ATXN2: variants seen among roughly 807,000 people sequenced by gnomAD.
The protein encoded by ATXN2 is ataxin 2.
ATXN2 carries 37 observed loss-of-function variants against 138.6 expected under a neutral mutation model. The ratio of observed to expected loss-of-function variants is 0.27; its 90% CI spans 0.21 to 0.35. The LOEUF is 0.35. Among genes scored for constraint, ATXN2 ranks in the 10% least tolerant of loss-of-function variants. ATXN2 has a pLI of 1.00. For missense variants in ATXN2, 1,216 were observed against 1,480.3 expected (o/e 0.82, Z 2.93); for synonymous variants, 549 against 543.7 (o/e 1.01, Z -0.13).
rs997437123 is a variant in ATXN2, at chr12:111,574,308, CAAAAAAA to C, written c.252-18396_252-18390del. On this transcript the variant is annotated intron_variant, in intron 1 of 24. Coordinates refer to ENST00000673436, the MANE Select transcript of ATXN2 (RefSeq NM_001372574.1). ...GGGCGACAGAGCAAGACTCTGTCTC[CAAAAAAA>C]AAAAAAAAAAAAAAAAAAGGTATGG... Among the ~76,000 whole-genome samples, 10 of 32,594 alleles carry C rather than the reference CAAAAAAA, an allele frequency of 3.1e-4. No homozygotes were observed. In the South Asian group the frequency reaches 4.8e-3, roughly 16 times the overall value. The allele number at this position is 32,594 out of a possible 152,430, so 21.4% of individuals were successfully genotyped here.
chr12:111,485,430 G>A (rs980982609), intron 17 of ATXN2, 99 bp from the exon 18 acceptor site: 1 of 1,220,486 alleles, frequency 8.2e-7, no homozygotes. Flanking sequence ...CTAGGCATGA[G>A]AAGGTTTCCT....
At chr12:111,458,469 AGAG>A (rs1431296940) in intron 21 of ATXN2, 1 of 152,250 alleles carries the variant, frequency 6.6e-6, no homozygotes, top group African/African-American at 2.4e-5. Flanking sequence ...AATCAGAAGC[AGAG>A]TAGGATGTGT....
chr12:111,542,770 C>T (rs1173535443), intron 5 of ATXN2, among the ~76,000 whole-genome samples: 1 of 152,156 alleles, frequency 6.6e-6, no homozygotes, highest in Admixed American at 6.5e-5. Context: ...CCTATTTCTA[C>T]ACTTTGGATT....
At chr12:111,466,728 C>G (rs376600989) in intron 20 of ATXN2, among the ~76,000 whole-genome samples, 11 of 152,074 alleles carry the variant, frequency 7.2e-5, no homozygotes, top group East Asian at 5.8e-4. Context: ...ATGCCTTTGG[C>G]TATGGCTATA....
intron 5 of ATXN2, among the ~76,000 whole-genome samples, chr12:111,542,030 A>T (rs1881549751): frequency 6.7e-6 from 1 of 149,092 alleles, no homozygotes; most frequent in Non-Finnish European, 1.5e-5. Flanking sequence ...AGCCTTCCAA[A>T]GTGCTGGGAT....
chr12:111,587,112 T>C (rs1325627764), intron 1 of ATXN2, among the ~76,000 whole-genome samples: 3 of 138,794 alleles, frequency 2.2e-5, no homozygotes, highest in Non-Finnish European at 4.7e-5. Flanking sequence ...CTTTCTAAAA[T>C]CTGCTCAAGC....
chr12:111,479,409 AAAAAAAAG>A (rs1877054527), intron 18 of ATXN2, among the ~76,000 whole-genome samples: 1 of 150,606 alleles, frequency 6.6e-6, no homozygotes, highest in Non-Finnish European at 1.5e-5. Context: ...AAAAAAAAAA[AAAAAAAAG>A]AGAGAGAGAC....
intron 1 of ATXN2, among the ~76,000 whole-genome samples, chr12:111,577,790 T>C (rs1376119209): frequency 6.6e-6 from 1 of 151,900 alleles, no homozygotes; most frequent in African/African-American, 2.4e-5. Flanking sequence ...TGGTCAACAG[T>C]TCACAAAACG....
intron 1 of ATXN2, among the ~76,000 whole-genome samples, chr12:111,571,598 G>A (rs1189420587): frequency 6.6e-6 from 1 of 152,002 alleles, no homozygotes; most frequent in Non-Finnish European, 1.5e-5. Context: ...TTTAAATGGA[G>A]GTCATATTTT....
chr12:111,555,927 G>A lies in ATXN2; in HGVS notation c.252-8C>T. ...TTGTTACTGTTTCGACCTCTGAAAAGATTAAATATTATTTTTATTAAATTC... is the reference window on the plus strand; with the variant it reads ...TTGTTACTGTTTCGACCTCTGAAAAAATTAAATATTATTTTTATTAAATTC... On this transcript the variant is annotated splice_polypyrimidine_tract_variant and splice_region_variant and intron_variant, in intron 1 of 24. Coordinates refer to ENST00000673436, the MANE Select transcript of ATXN2 (RefSeq NM_001372574.1). The A allele has an allele frequency of 6.3e-7, 1 of 1,585,868 alleles. No homozygotes were observed. Among genetic ancestry groups the A allele is most frequent in the Non-Finnish European group, 8.6e-7 (1 of 1,164,600 alleles).
chr12:111,516,803 G>C lies in ATXN2; in HGVS notation c.1166-440C>G, dbSNP rs372176756. Among the ~76,000 whole-genome samples the C allele has an allele frequency of 2.2e-4, 34 of 152,196 alleles. No individual in the cohort carries two copies. The South Asian group carries it at 3.1e-3, about 14-fold the overall frequency. On this transcript the variant is annotated intron_variant, in intron 9 of 24. Coordinates refer to ENST00000673436, the MANE Select transcript of ATXN2 (RefSeq NM_001372574.1). The surrounding 1 kb of genome is among the most constrained non-coding windows in gnomAD (Gnocchi z 5.0). ...TAACTCTGAGGCATAACGAAAATAA[G>C]CAGTAGCTATTATATCCAATTAGAA...
chr12:111,581,829 A>T lies in ATXN2; in HGVS notation c.251+16955T>A, dbSNP rs527748996. 46 of 392,398 alleles carry T rather than the reference A, an allele frequency of 1.2e-4. No individual in the cohort carries two copies. The East Asian group carries it at 2.3e-3, about 20-fold the overall frequency. 24.3% of individuals were successfully genotyped at this position (392,398 alleles called of 1,614,324 possible). A position where few individuals can be genotyped will look rare whatever the true frequency, so the allele number is the denominator to read the frequency against. ...GAGCTCTGCCCGTGATCTGATTCCC[A>T]TGTACTCCATCCACCCTCCATTCCT... is the stretch of plus-strand genomic sequence containing the variant. On this transcript the variant is annotated intron_variant, in intron 1 of 24. Coordinates refer to ENST00000673436, the MANE Select transcript of ATXN2 (RefSeq NM_001372574.1).
intron 23 of ATXN2, chr12:111,455,661 G>T: frequency 6.0e-6 from 2 of 333,960 alleles, no homozygotes; most frequent in Admixed American, 4.1e-5. Context: ...CATCATCCCT[G>T]CCTGGCTTCC....
rs536793036 is a variant in ATXN2, at chr12:111,598,312, C to T, written c.251+472G>A. 11 of 1,000,746 alleles carry T rather than the reference C, an allele frequency of 1.1e-5. No individual in the cohort carries two copies. The highest frequency in any genetic ancestry group is 1.1e-4 in the Admixed American group (2 of 18,508). 62.0% of individuals were successfully genotyped at this position (1,000,746 alleles called of 1,614,324 possible). ...ACGGGGGACGCGGCCCTAACTTCTC[C>T]CCTCCAGAGATGTCCCCCATGGAGG... On this transcript the variant is annotated intron_variant, in intron 1 of 24. Coordinates refer to ENST00000673436, the MANE Select transcript of ATXN2 (RefSeq NM_001372574.1). The surrounding 1 kb of genome is among the most constrained non-coding windows in gnomAD (Gnocchi z 4.5).
chr12:111,541,612 C>T lies in ATXN2; in HGVS notation c.571+10668G>A, dbSNP rs764443778. Reference sequence around the variant, plus strand: ...CCTCCCAAAGTGCTGGAATTATAGGCGTGAGCCACCGCACCCAGCTGACAA... The same window carrying T: ...CCTCCCAAAGTGCTGGAATTATAGGTGTGAGCCACCGCACCCAGCTGACAA... On this transcript the variant is annotated intron_variant, in intron 5 of 24. Coordinates refer to ENST00000673436, the MANE Select transcript of ATXN2 (RefSeq NM_001372574.1). 5.4e-5 allele frequency among the ~76,000 whole-genome samples: 8 copies of T among 148,384 alleles called. 2 individuals carry two copies. Among genetic ancestry groups the T allele is most frequent in the Non-Finnish European group, 1.1e-4 (7 of 66,414 alleles).
At chr12:111,475,516 A>C in intron 18 of ATXN2, among the ~76,000 whole-genome samples, 1 of 143,608 alleles carries the variant, frequency 7.0e-6, no homozygotes, top group South Asian at 2.2e-4. Context: ...TTAAGAGGGA[A>C]TCTTGCTCTG....
chr12:111,514,676 C>A (rs993947509), intron 10 of ATXN2, among the ~76,000 whole-genome samples: 1 of 151,990 alleles, frequency 6.6e-6, no homozygotes, highest in Admixed American at 6.6e-5. Flanking sequence ...TTAGTAGAGA[C>A]GAGGTTTCAC....
At chr12:111,484,622 G>A (rs1208582057) in intron 18 of ATXN2, among the ~76,000 whole-genome samples, 1 of 152,182 alleles carries the variant, frequency 6.6e-6, no homozygotes, top group Non-Finnish European at 1.5e-5. Context: ...TTTTAGTAGA[G>A]ATGGGGTTTC....
chr12:111,482,711 TAAAAAAAAA>T (rs879265243), intron 18 of ATXN2: 4 of 143,122 alleles, frequency 2.8e-5, no homozygotes, highest in African/African-American at 7.7e-5. Flanking sequence ...AAAATGGCAG[TAAAAAAAAA>T]AACCCACTTT....
Sources: gnomAD v4.1 joint callset for allele counts (sites outside exome capture counted in the v4.1 genomes callset) on GRCh38, gnomAD v4.1.1 for gene constraint, Gnocchi (gnomAD v3.1) non-coding constraint, MANE v1.5 for transcripts, NCBI Gene and HGNC (gene_info 2026-07-23, HGNC 2026-07-21) for gene names.